ZNF69: variants seen among roughly 807,000 people sequenced by gnomAD.
ZNF69 encodes zinc finger protein 69.
ZNF69 carries 47 observed loss-of-function variants against 50.9 expected under a neutral mutation model. The ratio of observed to expected loss-of-function variants is 0.92; its 90% CI spans 0.73 to 1.18. The LOEUF (loss-of-function observed/expected upper bound fraction) is 1.18. Ranked by LOEUF, ZNF69 falls within the 50% of genes most tolerant of loss-of-function variation. The pLI is 0.00. For missense variants in ZNF69, 717 were observed against 675.1 expected, an observed-to-expected ratio of 1.06 and a Z score of -0.69; for synonymous variants, 216 against 223.1, an observed-to-expected ratio of 0.97 and a Z score of 0.29.
At chr19:11,916,457 A>T (rs561105586), downstream of ZNF69, among the ~76,000 whole-genome samples, 1 of 152,258 alleles carries the variant, frequency 6.6e-6, no homozygotes, top group South Asian at 2.1e-4. Context: ...TCTATGAAAA[A>T]TATAAAAATT....
the ZNF69 span, among the ~76,000 whole-genome samples, chr19:11,919,853 A>C: frequency 6.6e-6 from 1 of 152,118 alleles, no homozygotes; most frequent in Admixed American, 6.5e-5. Flanking sequence ...GTGAGAAAAA[A>C]ATTCTGCTGT....
In ZNF69 at chr19:11,905,018, T is replaced by C; in HGVS notation, c.621T>C (p.Ile207=). The C allele has an allele frequency of 6.2e-7, 1 of 1,614,174 alleles. No homozygotes were observed. The highest frequency in any genetic ancestry group is 8.5e-7 in the Non-Finnish European group (1 of 1,180,022). ...CGKTFISHSS[I]QRHVVMHSGD... ...AAACTTTTATTTCCCATTCAAGCATTCAAAGACACGTGGTAATGCACAGTG... is the reference window on the plus strand; with the variant it reads ...AAACTTTTATTTCCCATTCAAGCATCCAAAGACACGTGGTAATGCACAGTG... The change falls in exon 4 of 4, where the codon ATT becomes ATC. Residue 207 remains isoleucine, a synonymous_variant. Coordinates refer to ENST00000429654, the MANE Select transcript of ZNF69 (RefSeq NM_001364730.1).
the ZNF69 span, among the ~76,000 whole-genome samples, chr19:11,963,263 A>T: frequency 6.6e-6 from 1 of 152,060 alleles, no homozygotes; most frequent in African/African-American, 2.4e-5. Flanking sequence ...CTAATTCTAA[A>T]CAAAGATGTA....
the ZNF69 span, among the ~76,000 whole-genome samples, chr19:11,926,910 A>C: frequency 6.6e-6 from 1 of 152,184 alleles, no homozygotes; most frequent in African/African-American, 2.4e-5. Flanking sequence ...ACTCTAGGGA[A>C]ATAGACTCAG....
the ZNF69 span, chr19:11,950,149 T>A: frequency 3.1e-6 from 5 of 1,613,980 alleles, no homozygotes; most frequent in Non-Finnish European, 3.4e-6. Context: ...ATGTAAGGAA[T>A]GCGGAAAAGC....
chr19:11,898,597 AC>A (rs1972179107), intron 1 of ZNF69, among the ~76,000 whole-genome samples: 1 of 151,824 alleles, frequency 6.6e-6, no homozygotes, highest in South Asian at 2.1e-4. Flanking sequence ...CACCATATTG[AC>A]CAGGCTGGTC....
the ZNF69 span, among the ~76,000 whole-genome samples, chr19:11,957,676 C>G: frequency 6.6e-6 from 1 of 151,766 alleles, no homozygotes; most frequent in Non-Finnish European, 1.5e-5. Context: ...GAAACACCAT[C>G]TCTATGAAAA....
chr19:11,979,723 A>G, the ZNF69 span: 1 of 1,599,146 alleles, frequency 6.3e-7, no homozygotes, highest in Middle Eastern at 1.7e-4. Flanking sequence ...AGTGTAAGCA[A>G]TGTGGGAAAG....
the ZNF69 span, chr19:11,950,301 C>T: frequency 4.9e-5 from 77 of 1,561,686 alleles, no homozygotes; most frequent in Middle Eastern, 5.1e-4. Context: ...GAAGGAAGCA[C>T]TATGAATGCA....
the ZNF69 span, among the ~76,000 whole-genome samples, chr19:11,960,146 T>C: frequency 6.6e-6 from 1 of 151,974 alleles, no homozygotes; most frequent in African/African-American, 2.4e-5. Context: ...ATAATTCTCG[T>C]GCCTTAGCGT....
chr19:11,941,484 C>T, the ZNF69 span, among the ~76,000 whole-genome samples: 7 of 152,220 alleles, frequency 4.6e-5, no homozygotes, highest in South Asian at 2.1e-4. Flanking sequence ...AGCGCAGCAC[C>T]GGTGGGCTGG....
chr19:11,903,433 GA>G lies in ZNF69; in HGVS notation c.64-137del. The G allele has an allele frequency of 4.3e-6, 6 of 1,408,934 alleles. No individual in the cohort carries two copies. In the South Asian group the frequency reaches 7.4e-5, roughly 17 times the overall value. 87.3% of individuals were successfully genotyped at this position (1,408,934 alleles called of 1,614,324 possible). ...CAAAAAAAAGAATTGCTTTATGGAA[GA>G]AAGTAAGTATACACAGGGAGAAAGA... On this transcript the variant is annotated intron_variant, in intron 1 of 3. Transcript: ENST00000429654.
At chr19:11,979,860 A>C in the ZNF69 span, 1 of 1,496,504 alleles carries the variant, frequency 6.7e-7, no homozygotes, top group Non-Finnish European at 9.3e-7. Flanking sequence ...GAAAGGACAC[A>C]AACACACGTA....
chr19:11,977,207 A>G, the ZNF69 span: 17 of 1,611,262 alleles, frequency 1.1e-5, no homozygotes, highest in Non-Finnish European at 1.4e-5. Context: ...TTAGTGAACC[A>G]GTGTTTCTAG....
intron 1 of ZNF69, among the ~76,000 whole-genome samples, chr19:11,900,613 A>G (rs1262719942): frequency 1.3e-5 from 2 of 152,074 alleles, no homozygotes; most frequent in East Asian, 1.9e-4. Context: ...CTGCCTCCCA[A>G]AGTGCTGGGA....
intron 1 of ZNF69, among the ~76,000 whole-genome samples, chr19:11,902,075 C>T (rs1309894205): frequency 6.6e-6 from 1 of 151,212 alleles, no homozygotes; most frequent in Non-Finnish European, 1.5e-5. Flanking sequence ...TCCTGCCTCC[C>T]GGGTTCAAGC....
the ZNF69 span, among the ~76,000 whole-genome samples, chr19:11,922,137 A>G: frequency 6.6e-6 from 1 of 152,014 alleles, no homozygotes; most frequent in Non-Finnish European, 1.5e-5. Flanking sequence ...AAAAAAAAAA[A>G]GAGACAGATT....
intron 1 of ZNF69, among the ~76,000 whole-genome samples, chr19:11,894,598 G>T (rs1229580944): frequency 2.6e-5 from 4 of 152,136 alleles, no homozygotes. Context: ...CTCTTGGAGG[G>T]TCTAGTGAGT....
the ZNF69 span, among the ~76,000 whole-genome samples, chr19:11,960,027 GTTTTTTTTTTCT>G: frequency 2.9e-5 from 4 of 138,788 alleles, no homozygotes; most frequent in Middle Eastern, 7.5e-3. Flanking sequence ...AATTTGTAGT[GTTTTTTTTTTCT>G]TTTTTTTTTT....
Sources: gnomAD v4.1 joint callset for allele counts (sites outside exome capture counted in the v4.1 genomes callset) on GRCh38, gnomAD v4.1.1 for gene constraint, MANE v1.5 for transcripts, NCBI Gene and HGNC (gene_info 2026-07-23, HGNC 2026-07-21) for gene names.